The following SRA1 variants were observed in gnomAD, a reference collection of about 807,000 sequenced individuals.
SRA1 encodes lncRNA SRA.
SRA1 carries 25 observed loss-of-function variants against 24.3 expected under a neutral mutation model. That is an observed-to-expected ratio of 1.03 (90% CI 0.75 to 1.43). SRA1 has a LOEUF of 1.43. Among genes scored for constraint, SRA1 ranks in the 40% most tolerant of loss-of-function variants. The pLI, the probability that SRA1 is intolerant of heterozygous loss-of-function variation, is 0.00. For synonymous variants in SRA1, 104 were observed against 109.5 expected, an observed-to-expected ratio of 0.95 and a Z score of 0.31; for missense variants, 303 against 286.6, an observed-to-expected ratio of 1.06 and a Z score of -0.41.
rs765272353 is a variant in SRA1, at chr5:140,557,099, C to A, written c.151+48G>T. The A allele has an allele frequency of 6.8e-4, 571 of 843,192 alleles. 31 individuals are homozygous for A. The highest frequency in any genetic ancestry group is 1.4e-3 in the Middle Eastern group (5 of 3,692). The allele number at this position is 843,192 out of a possible 1,614,324, so 52.2% of individuals were successfully genotyped here. ...CCAAACAGGCTTATGCCTTACACCC[C>A]CCCCCCCCCATTCTCCGTCTGTCTC... On this transcript the variant is annotated intron_variant, in intron 2 of 4. Transcript: ENST00000336283.
At chr5:140,554,007 T>C (rs916002389) in intron 2 of SRA1, among the ~76,000 whole-genome samples, 2 of 152,190 alleles carry the variant, frequency 1.3e-5, no homozygotes, top group African/African-American at 2.4e-5. Context: ...ATCTAATAAT[T>C]TGGTGTTTCA....
intron 2 of SRA1, among the ~76,000 whole-genome samples, chr5:140,556,890 T>G (rs1754718915): frequency 6.6e-6 from 1 of 152,066 alleles, no homozygotes; most frequent in Admixed American, 6.6e-5. Context: ...GGATTAAAAC[T>G]ATATTAAAAG....
intron 3 of SRA1, chr5:140,551,781 T>G: frequency 3.9e-6 from 2 of 510,300 alleles, no homozygotes; most frequent in Non-Finnish European, 7.0e-6. Flanking sequence ...CTTCTACTGA[T>G]TGGTCTTCAA....
chr5:140,557,249 C>T lies in SRA1; in HGVS notation c.49G>A (p.Asp17Asn). ...KPGNKERGWNDPPQFSYGLQT... is the reference protein window; with the variant it reads ...KPGNKERGWNNPPQFSYGLQT... ...AGCCCGTATGAGAACTGCGGCGGGTCGTTCCAGCCGCGTTCCTTGTTGCCT... is the reference window on the plus strand; with the variant it reads ...AGCCCGTATGAGAACTGCGGCGGGTTGTTCCAGCCGCGTTCCTTGTTGCCT... The change falls in exon 2 of 5, where the codon GAC becomes AAC. Residue 17 changes from aspartate to asparagine, a missense_variant. Physicochemically the swap from Asp to Asn is conservative, Grantham distance 23. Coordinates refer to ENST00000336283, the MANE Select transcript of SRA1 (RefSeq NM_001035235.4). The T allele has an allele frequency of 1.2e-6, 2 of 1,612,300 alleles. No individual in the cohort carries two copies. The highest frequency in any genetic ancestry group is 1.7e-6 in the Non-Finnish European group (2 of 1,179,960).
In SRA1 at chr5:140,550,897, G is replaced by A. The variant is rs376998976; in HGVS notation, c.478C>T (p.Arg160Trp). 2.6e-5 allele frequency: 42 copies of A among 1,613,922 alleles called. No homozygotes were observed. The highest frequency in any genetic ancestry group is 2.0e-4 in the South Asian group (18 of 91,070). The change falls in exon 5 of 5, where the codon CGG (arginine) becomes TGG (tryptophan). Residue 160 changes from arginine to tryptophan, a missense_variant. By Grantham distance (101) the Arg-to-Trp change is moderately radical. Coordinates refer to ENST00000336283, the MANE Select transcript of SRA1 (RefSeq NM_001035235.4). ...ALLVQELSSH[R>W]WDAADDIHRS... ...TGGATGTCATCTGCTGCGTCCCACC[G>A]GTGGCTTGAAAGCTCTGAAGAGAGA...
chr5:140,557,095 ACCCC>A lies in SRA1; in HGVS notation c.151+48_151+51del, dbSNP rs58321242. 8,018 of 831,380 alleles carry A rather than the reference ACCCC, an allele frequency of 9.6e-3. 24 individuals are homozygous for A. The highest frequency in any genetic ancestry group is 0.016 in the Middle Eastern group (63 of 3,920). 51.5% of individuals were successfully genotyped at this position (831,380 alleles called of 1,614,324 possible). On this transcript the variant is annotated intron_variant, in intron 2 of 4. Transcript: ENST00000336283. ...CCTTCCAAACAGGCTTATGCCTTAC[ACCCC>A]CCCCCCCCCATTCTCCGTCTGTCTC...
At position 140,552,183 on chromosome 5, in the gene SRA1, G is replaced by A. The variant is rs770296141; in HGVS notation, c.153C>T (p.Val51=). The change falls in exon 3 of 5, where the codon GTC becomes GTT. Residue 51 remains valine, a splice_region_variant and synonymous_variant. Coordinates refer to ENST00000336283, the MANE Select transcript of SRA1 (RefSeq NM_001035235.4). ...GCCCAGGAGAAGTCTCTGATGCGGG[G>A]ACTGAAAAGGTACAGCAGGATCAAG... ...VAAPQDGSPR[V]PASETSPGPP... is the part of the protein sequence containing the mutation. 6.4e-7 allele frequency: 1 copy of A among 1,556,952 alleles called. No individual in the cohort carries two copies. The highest frequency in any genetic ancestry group is 1.2e-5 in the South Asian group (1 of 85,680).
chr5:140,556,443 CTG>C (rs1370035036), intron 2 of SRA1, among the ~76,000 whole-genome samples: 2 of 152,196 alleles, frequency 1.3e-5, no homozygotes, highest in Non-Finnish European at 2.9e-5. Context: ...GCCAGCCACT[CTG>C]TATTTCATCA....
chr5:140,551,444 C>G lies in SRA1; in HGVS notation c.355-275G>C, dbSNP rs561136649. On this transcript the variant is annotated intron_variant, in intron 3 of 4. Transcript: ENST00000336283. Reference sequence around the variant, plus strand: ...CACCACCAGTCTTCCTAACCCACCTCCTACTATGACTAGAATTCTAAAATT... The same window carrying G: ...CACCACCAGTCTTCCTAACCCACCTGCTACTATGACTAGAATTCTAAAATT... The G allele has an allele frequency of 1.6e-5, 6 of 367,748 alleles. No individual in the cohort carries two copies. In the East Asian group the frequency reaches 2.3e-4, roughly 14 times the overall value. 22.8% of individuals were successfully genotyped at this position (367,748 alleles called of 1,614,324 possible).
At chr5:140,557,651 G>A, upstream of SRA1, 4 of 640,902 alleles carry the variant, frequency 6.2e-6, no homozygotes, top group Non-Finnish European at 1.1e-5. Flanking sequence ...TGAACCATCA[G>A]GGCCCTGGTC....
rs770799857 is a variant in SRA1, at chr5:140,557,256, G to A, written c.42C>T (p.Gly14=). The change falls in exon 2 of 5, where the codon GGC becomes GGT. Residue 14 remains glycine, a synonymous_variant. Transcript: ENST00000336283. ...LYVKPGNKER[G]WNDPPQFSYG... ...ATGAGAACTGCGGCGGGTCGTTCCA[G>A]CCGCGTTCCTTGTTGCCTGCGGAGG... The A allele has an allele frequency of 2.3e-5, 37 of 1,612,044 alleles. No homozygotes were observed. The highest frequency in any genetic ancestry group is 1.7e-6 in the Non-Finnish European group (2 of 1,179,972).
chr5:140,557,275 G>A lies in SRA1; in HGVS notation c.26-3C>T, dbSNP rs764212069. On this transcript the variant is annotated splice_polypyrimidine_tract_variant and splice_region_variant and intron_variant, in intron 1 of 4. Coordinates refer to ENST00000336283, the MANE Select transcript of SRA1 (RefSeq NM_001035235.4). ...GTTCCAGCCGCGTTCCTTGTTGCCT[G>A]CGGAGGCGAGGGATGTGTGAAGCGA... 1.9e-6 allele frequency: 3 copies of A among 1,610,662 alleles called. No individual in the cohort carries two copies. In the African/African-American group the frequency reaches 4.0e-5, roughly 22 times the overall value.
chr5:140,555,860 C>T (rs947107225), intron 2 of SRA1, among the ~76,000 whole-genome samples: 3 of 152,066 alleles, frequency 2.0e-5, no homozygotes, highest in Non-Finnish European at 4.4e-5. Flanking sequence ...TCATATCCAT[C>T]CAACTCCTAC....
upstream of SRA1, chr5:140,557,679 G>A (rs1316490863): frequency 5.0e-6 from 3 of 599,976 alleles, no homozygotes; most frequent in Non-Finnish European, 8.7e-6. Flanking sequence ...ACCAAAGGAG[G>A]TTGCTGTCCA....
At chr5:140,557,682 G>A, upstream of SRA1, 1 of 597,708 alleles carries the variant, frequency 1.7e-6, no homozygotes, top group South Asian at 2.0e-5. Context: ...AAAGGAGGTT[G>A]CTGTCCAGGA....
At chr5:140,557,062 G>T in intron 2 of SRA1, 85 bp downstream of exon 2, 1 of 1,318,972 alleles carries the variant, frequency 7.6e-7, no homozygotes, top group Non-Finnish European at 1.0e-6. Flanking sequence ...CTCGGGGAGA[G>T]AAAAAAGCCT....
At chr5:140,555,389 G>A (rs907558869) in intron 2 of SRA1, among the ~76,000 whole-genome samples, 1 of 151,706 alleles carries the variant, frequency 6.6e-6, no homozygotes, top group Non-Finnish European at 1.5e-5. Flanking sequence ...TGGTATTACA[G>A]GCCCAGCTAA....
chr5:140,551,270 C>T (rs979964838), intron 3 of SRA1, 101 bp from the exon 4 acceptor site: 6 of 843,594 alleles, frequency 7.1e-6, no homozygotes, highest in African/African-American at 1.7e-5. Flanking sequence ...TTCTCTGGCC[C>T]ACACTTTAGA....
chr5:140,552,214 T>C, intron 2 of SRA1, 30 bp from the exon 3 acceptor site: 1 of 1,487,956 alleles, frequency 6.7e-7, no homozygotes, highest in Non-Finnish European at 9.1e-7. Context: ...TCAAGCAACA[T>C]GGCTTAAATG....
Sources: gnomAD v4.1 joint callset for allele counts (sites outside exome capture counted in the v4.1 genomes callset) on GRCh38, gnomAD v4.1.1 for gene constraint, MANE v1.5 for transcripts, NCBI Gene and HGNC (gene_info 2026-07-23, HGNC 2026-07-21) for gene names.